Variants in MTCL1 observed in about 807,000 individuals in gnomAD.
The protein encoded by MTCL1 is microtubule crosslinking factor 1.
MTCL1 carries 79 observed loss-of-function variants against 141.4 expected under a neutral mutation model. That is an observed-to-expected ratio of 0.56 (90% CI 0.47 to 0.67). The LOEUF (loss-of-function observed/expected upper bound fraction) is 0.67. MTCL1 is among the 30% of genes least tolerant of loss of function. The pLI is 0.00. For missense variants in MTCL1, 2,177 were observed against 2,113.9 expected, an observed-to-expected ratio of 1.03 and a Z score of -0.59; for synonymous variants, 914 against 875.8, an observed-to-expected ratio of 1.04 and a Z score of -0.77.
In MTCL1 at chr18:8,828,337, T is replaced by C. The variant is rs1037989554; in HGVS notation, c.4723-571T>C. Among the ~76,000 whole-genome samples the C allele has an allele frequency of 5.9e-5, 9 of 152,156 alleles. No individual in the cohort carries two copies. The highest frequency in any genetic ancestry group is 5.9e-4 in the Admixed American group (9 of 15,272). On this transcript the variant is annotated intron_variant, in intron 15 of 16. Coordinates refer to ENST00000359865, the Ensembl canonical transcript of MTCL1. This position sits in a 1 kb window ranked among gnomAD's most constrained non-coding sequence, Gnocchi z 5.2. ...CATAAGCCACTCGGGCCTCTTTTTC[T>C]CTTGACACCATGGCACTAGTTCAGC...
At chr18:8,706,777 C>A in intron 1 of MTCL1, 64 bp downstream of exon 1, 1 of 1,528,170 alleles carries the variant, frequency 6.5e-7, no homozygotes. Context: ...GCGGCGGGGA[C>A]CCGCCAACCC....
At chr18:8,776,652 T>A (rs571712125) in intron 4 of MTCL1, among the ~76,000 whole-genome samples, 53 of 152,252 alleles carry the variant, frequency 3.5e-4, no homozygotes, top group African/African-American at 1.1e-3. Context: ...TAGTTAGGTT[T>A]TCTCTGTAAA....
At chr18:8,706,196 C>T in exon 1 of MTCL1, 1 of 1,225,692 alleles carries the variant, frequency 8.2e-7, no homozygotes, top group Non-Finnish European at 1.0e-6. Flanking sequence ...CCCCCGACCC[C>T]GGCCGCCCGG....
At chr18:8,823,131 G>A (rs550766160) in intron 14 of MTCL1, among the ~76,000 whole-genome samples, 36 of 152,234 alleles carry the variant, frequency 2.4e-4, no homozygotes, top group Non-Finnish European at 4.6e-4. Context: ...TGACTGCCCG[G>A]TATGTTTCCA....
chr18:8,739,377 C>T (rs913967506), intron 4 of MTCL1, among the ~76,000 whole-genome samples: 2 of 152,178 alleles, frequency 1.3e-5, no homozygotes, highest in African/African-American at 2.4e-5. Context: ...GGCGTGCATG[C>T]GCGGTGGAAG....
intron 16 of MTCL1, chr18:8,831,359 CTCATCTCACAGTATTGCTG>C: frequency 7.5e-7 from 1 of 1,326,568 alleles, no homozygotes. Flanking sequence ...TGCAAGCTGA[CTCATCTCACAGTATTGCTG>C]TGTTTAATCA....
At chr18:8,769,086 C>T (rs749511300) in intron 4 of MTCL1, among the ~76,000 whole-genome samples, 74 of 152,170 alleles carry the variant, frequency 4.9e-4, no homozygotes, top group Non-Finnish European at 9.8e-4. Context: ...TGAGCCAGCG[C>T]GCCTGGCCAG....
intron 4 of MTCL1, among the ~76,000 whole-genome samples, chr18:8,744,475 A>G (rs960909827): frequency 1.3e-5 from 2 of 152,214 alleles, no homozygotes; most frequent in East Asian, 1.9e-4. Flanking sequence ...ACTCAGTTCA[A>G]ACACATCAGA....
At chr18:8,740,336 A>G in intron 4 of MTCL1, among the ~76,000 whole-genome samples, 1 of 152,186 alleles carries the variant, frequency 6.6e-6, no homozygotes, top group African/African-American at 2.4e-5. Context: ...GCATCCGGAA[A>G]TCCTTGAGAA....
intron 13 of MTCL1, among the ~76,000 whole-genome samples, 183 bp from the exon 13 acceptor site, chr18:8,821,284 C>T (rs547362321): frequency 5.3e-5 from 8 of 152,292 alleles, no homozygotes; most frequent in African/African-American, 1.9e-4. Context: ...GCTGTGGACT[C>T]GCTTTGATGA....
chr18:8,708,586 C>G lies in MTCL1; in HGVS notation c.1053+1873C>G, dbSNP rs143504564. Among the ~76,000 whole-genome samples, 1,180 of 152,360 alleles carry G rather than the reference C, an allele frequency of 7.7e-3. 19 individuals carry two copies. The highest frequency in any genetic ancestry group is 0.026 in the African/African-American group (1,099 of 41,586). ...TTCCCCAGAGCCTCTGCCCATTTTA[C>G]TGCACCGGGATGCAGCCCTATTTCC... On this transcript the variant is annotated intron_variant, in intron 1 of 13. Coordinates refer to the MTCL1 transcript ENST00000306329.
rs143749385 is a variant in MTCL1 at position 8,821,083 on chromosome 18, A to ACT, written c.3157-368_3157-367dup. On this transcript the variant is annotated intron_variant, in intron 13 of 16. Transcript: ENST00000359865. ...TTTCTCTCTAACATAACACATGCAC[A>ACT]CTCTCTCTCTCTCTCTCAGTCTCAC... Among the ~76,000 whole-genome samples the ACT allele has an allele frequency of 4.7e-3, 700 of 149,136 alleles. 4 individuals are homozygous for ACT. The highest frequency in any genetic ancestry group is 6.7e-3 in the Non-Finnish European group (451 of 67,034).
intron 4 of MTCL1, among the ~76,000 whole-genome samples, chr18:8,738,011 T>C (rs1269502021): frequency 6.6e-6 from 1 of 152,200 alleles, no homozygotes; most frequent in African/African-American, 2.4e-5. Context: ...TCTCCTTCAA[T>C]AGTATTTAAG....
exon 1 of MTCL1, chr18:8,706,054 G>T: frequency 8.4e-7 from 1 of 1,188,194 alleles, no homozygotes; most frequent in Non-Finnish European, 1.0e-6. Flanking sequence ...AAGCAGGAGG[G>T]CGGCGCGCGT....
chr18:8,730,602 C>T (rs371419196), intron 4 of MTCL1, among the ~76,000 whole-genome samples: 1 of 152,222 alleles, frequency 6.6e-6, no homozygotes, highest in East Asian at 1.9e-4. Flanking sequence ...GTCAGCCAGG[C>T]TCCTCGCTGG....
chr18:8,711,741 G>GT (rs1157327538), intron 1 of MTCL1, among the ~76,000 whole-genome samples: 1 of 151,248 alleles, frequency 6.6e-6, no homozygotes, highest in African/African-American at 2.4e-5. Context: ...GGGGTTGTTT[G>GT]TTTTTTTCTT....
intron 7 of MTCL1, among the ~76,000 whole-genome samples, chr18:8,791,086 T>C (rs1184555519): frequency 6.6e-6 from 1 of 152,056 alleles, no homozygotes; most frequent in Non-Finnish European, 1.5e-5. Flanking sequence ...ATTAGGGAGA[T>C]TGTTGCCAGA....
exon 17 of MTCL1, chr18:8,832,122 G>A (rs1333732493): frequency 1.3e-5 from 4 of 301,318 alleles, no homozygotes; most frequent in Admixed American, 9.5e-5. Flanking sequence ...TTTAAAAAAT[G>A]TACATTTTAA....
intron 4 of MTCL1, among the ~76,000 whole-genome samples, chr18:8,738,213 T>TA (rs1303808683): frequency 6.6e-6 from 1 of 152,202 alleles, no homozygotes; most frequent in East Asian, 1.9e-4. Context: ...GTGCAGTTTT[T>TA]AAAAATAATT....
Sources: allele counts gnomAD v4.1 joint callset (sites outside exome capture counted in the v4.1 genomes callset), GRCh38; gene constraint gnomAD v4.1.1; non-coding constraint Gnocchi (gnomAD v3.1); transcripts MANE v1.5; gene names NCBI Gene and HGNC (gene_info 2026-07-23, HGNC 2026-07-21).